PRKCH: variants seen among roughly 807,000 people sequenced by gnomAD.
The protein encoded by PRKCH is protein kinase C eta, also known as protein kinase C eta type.
Under a neutral mutation model 82.5 loss-of-function variants are expected in PRKCH, and 28 were observed. The ratio of observed to expected loss-of-function variants is 0.34; its 90% CI spans 0.25 to 0.47. PRKCH has a LOEUF of 0.47. Ranked by LOEUF, PRKCH falls within the 20% of genes least tolerant of loss-of-function variation. The pLI, the probability that PRKCH is intolerant of heterozygous loss-of-function variation, is 1.00. For synonymous variants in PRKCH, 322 were observed against 327.4 expected, an observed-to-expected ratio of 0.98 and a Z score of 0.18; for missense variants, 705 against 881.8, an observed-to-expected ratio of 0.80 and a Z score of 2.54.
chr14:61,351,990 G>A (rs1223686721), intron 1 of PRKCH, among the ~76,000 whole-genome samples: 3 of 152,082 alleles, frequency 2.0e-5, no homozygotes, highest in South Asian at 2.1e-4. Context: ...TTGCTTTCAC[G>A]TTTTTCACGG....
intron 2 of PRKCH, among the ~76,000 whole-genome samples, chr14:61,434,323 A>G (rs764162651): frequency 9.9e-5 from 15 of 152,232 alleles, no homozygotes; most frequent in Non-Finnish European, 2.2e-4. Context: ...CACATGATGC[A>G]ACCCAAATGT....
At chr14:61,275,052 T>C (rs1243708441) in intron 1 of PRKCH, among the ~76,000 whole-genome samples, 2 of 152,208 alleles carry the variant, frequency 1.3e-5, no homozygotes, top group African/African-American at 2.4e-5. Flanking sequence ...TTAGCATGAA[T>C]AGGAAATGTT....
At chr14:61,470,969 G>A (rs900090845) in intron 9 of PRKCH, among the ~76,000 whole-genome samples, 1 of 152,052 alleles carries the variant, frequency 6.6e-6, no homozygotes, top group Middle Eastern at 3.4e-3. Flanking sequence ...CAGACTCCAC[G>A]GTTTTCTCTG....
intron 1 of PRKCH, among the ~76,000 whole-genome samples, chr14:61,370,739 T>A (rs1295566318): frequency 6.6e-6 from 1 of 152,142 alleles, no homozygotes; most frequent in Non-Finnish European, 1.5e-5. Flanking sequence ...TTCTGTCTTC[T>A]ACTTCTGTTT....
intron 10 of PRKCH, among the ~76,000 whole-genome samples, chr14:61,485,970 G>T (rs1332040464): frequency 1.3e-5 from 2 of 152,068 alleles, no homozygotes; most frequent in East Asian, 3.9e-4. Flanking sequence ...GTCTTGCAAT[G>T]TTGCCCAGGC....
intron 12 of PRKCH, among the ~76,000 whole-genome samples, chr14:61,546,867 G>A (rs1299390180): frequency 6.6e-6 from 1 of 152,218 alleles, no homozygotes; most frequent in Non-Finnish European, 1.5e-5. Context: ...CTCCGGCCAT[G>A]AAAAGTGAAT....
At chr14:61,390,514 A>C (rs2046660812) in intron 1 of PRKCH, among the ~76,000 whole-genome samples, 1 of 152,146 alleles carries the variant, frequency 6.6e-6, no homozygotes, top group South Asian at 2.1e-4. Flanking sequence ...CTACTAAAAA[A>C]TACAAAAACA....
chr14:61,270,992 C>T (rs1385738162), intron 1 of PRKCH, among the ~76,000 whole-genome samples: 1 of 152,144 alleles, frequency 6.6e-6, no homozygotes, highest in Admixed American at 6.5e-5. Flanking sequence ...AAAGCACAAA[C>T]AAGTAAAGGT....
chr14:61,307,646 A>G (rs2045493247), intron 1 of PRKCH, among the ~76,000 whole-genome samples: 1 of 151,748 alleles, frequency 6.6e-6, no homozygotes. Flanking sequence ...AAATGGACCC[A>G]TTTTTCCTGT....
intron 1 of PRKCH, among the ~76,000 whole-genome samples, chr14:61,187,910 C>T (rs2044375173): frequency 6.6e-6 from 1 of 152,182 alleles, no homozygotes; most frequent in Non-Finnish European, 1.5e-5. Context: ...TTATCCTTCT[C>T]TGGCACATAG....
At chr14:61,320,592 T>C (rs1439940080), upstream of PRKCH, among the ~76,000 whole-genome samples, 1 of 140,720 alleles carries the variant, frequency 7.1e-6, no homozygotes, top group African/African-American at 2.5e-5. Flanking sequence ...AAAGCGAAAC[T>C]CCGTCTCAAA....
chr14:61,414,359 G>A lies in PRKCH; in HGVS notation c.427+23071G>A, dbSNP rs1219898733. On this transcript the variant is annotated intron_variant, in intron 2 of 13. Transcript: ENST00000332981. ...GTGACCTTGGCTCACTACATCCTCC[G>A]CCTCCCAGGTTCAAGCTACTCTTCT... Among the ~76,000 whole-genome samples the A allele has an allele frequency of 4.7e-5, 7 of 149,320 alleles. 1 individual carries two copies. The South Asian group carries it at 8.4e-4, about 18-fold the overall frequency.
intron 2 of PRKCH, among the ~76,000 whole-genome samples, chr14:61,431,648 A>T (rs1883402909): frequency 6.6e-6 from 1 of 152,114 alleles, no homozygotes; most frequent in African/African-American, 2.4e-5. Flanking sequence ...TAATCCTAGG[A>T]CACCACTCAG....
chr14:61,337,022 C>T (rs973569327), intron 1 of PRKCH, among the ~76,000 whole-genome samples: 1 of 125,758 alleles, frequency 8.0e-6, no homozygotes, highest in South Asian at 2.5e-4. Flanking sequence ...TGCAGTGAGT[C>T]GAGATTGTGG....
chr14:61,517,115 A>G (rs898173769), intron 10 of PRKCH, among the ~76,000 whole-genome samples: 1 of 152,162 alleles, frequency 6.6e-6, no homozygotes, highest in Non-Finnish European at 1.5e-5. Context: ...GATACTGTGT[A>G]AGGCATTACT....
At chr14:61,258,169 T>A (rs1018917265) in intron 1 of PRKCH, among the ~76,000 whole-genome samples, 5 of 152,184 alleles carry the variant, frequency 3.3e-5, no homozygotes, top group Admixed American at 3.3e-4. Context: ...AAATGTGTGA[T>A]GGAAACCATG....
chr14:61,272,150 C>T (rs2045159573), intron 1 of PRKCH, among the ~76,000 whole-genome samples: 1 of 151,618 alleles, frequency 6.6e-6, no homozygotes, highest in African/African-American at 2.4e-5. Context: ...ATGGCGTGAA[C>T]CCGGGGGGCG....
chr14:61,375,016 C>A (rs143916235), intron 1 of PRKCH, among the ~76,000 whole-genome samples: 2 of 152,204 alleles, frequency 1.3e-5, no homozygotes, highest in Non-Finnish European at 2.9e-5. Context: ...CCATCCCTTT[C>A]TTCACTCATA....
intron 2 of PRKCH, among the ~76,000 whole-genome samples, chr14:61,409,185 G>C (rs999983669): frequency 6.6e-6 from 1 of 152,192 alleles, no homozygotes; most frequent in African/African-American, 2.4e-5. Context: ...TGTGGGCGTA[G>C]ACAGCCCTGT....
Sources: gnomAD v4.1 joint callset for allele counts (sites outside exome capture counted in the v4.1 genomes callset) on GRCh38, gnomAD v4.1.1 for gene constraint, MANE v1.5 for transcripts, NCBI Gene and HGNC (gene_info 2026-07-23, HGNC 2026-07-21) for gene names.